Variants in PRPF39 observed in about 807,000 individuals in gnomAD.
PRPF39 encodes pre-mRNA processing factor 39.
Under a neutral mutation model 82.1 loss-of-function variants are expected in PRPF39, and 27 were observed. The observed-to-expected ratio is 0.33, with a 90% CI of 0.24 to 0.45. The LOEUF (loss-of-function observed/expected upper bound fraction) is 0.45, where lower values mean the gene tolerates loss of function less well. PRPF39 is among the 20% of genes least tolerant of loss of function. The pLI is 1.00. For missense variants in PRPF39, 581 were observed against 796.9 expected (o/e 0.73, Z 3.26); for synonymous variants, 261 against 256.4 (o/e 1.02, Z -0.17).
At chr14:45,096,029 C>A in intron 2 of PRPF39, 74 bp from the exon 3 acceptor site, 1 of 1,300,302 alleles carries the variant, frequency 7.7e-7, no homozygotes, top group South Asian at 1.5e-5. Context: ...TAGATAATAA[C>A]GTTTGAAAGG....
rs745589812 is a variant in PRPF39 at position 45,110,089 on chromosome 14, T to C, written c.1177-5T>C. On this transcript the variant is annotated splice_polypyrimidine_tract_variant and splice_region_variant and intron_variant, in intron 8 of 13. Transcript: ENST00000355765. The surrounding 1 kb of genome is among the most constrained non-coding windows in gnomAD (Gnocchi z 4.0). The stretch of plus-strand genomic sequence containing the variant: ...TATTCAGTATTTCCTCTTTTCTGTA[T>C]GTAGTATGCCAAGTACATGGAAAAC... The C allele has an allele frequency of 1.4e-5, 23 of 1,613,068 alleles. No individual in the cohort carries two copies. The highest frequency in any genetic ancestry group is 2.2e-5 in the East Asian group (1 of 44,864).
chr14:45,085,757 A>T (rs568294729), intron 1 of PRPF39, among the ~76,000 whole-genome samples: 1 of 152,202 alleles, frequency 6.6e-6, no homozygotes, highest in East Asian at 1.9e-4. Context: ...TTACATCCCA[A>T]ATCTCCAGAT....
At chr14:45,094,864 G>T (rs966553152) in intron 1 of PRPF39, among the ~76,000 whole-genome samples, 4 of 152,076 alleles carry the variant, frequency 2.6e-5, no homozygotes, top group Admixed American at 1.3e-4. Context: ...TGATAGCAAG[G>T]TAACATTCAG....
chr14:45,096,622 C>G (rs1254023625), intron 3 of PRPF39: 1 of 1,477,506 alleles, frequency 6.8e-7, no homozygotes, highest in Non-Finnish European at 9.0e-7. Context: ...TCTAATGGGT[C>G]TGTGCCCTAT....
At chr14:45,092,992 T>C (rs975085065) in intron 1 of PRPF39, among the ~76,000 whole-genome samples, 1 of 152,158 alleles carries the variant, frequency 6.6e-6, no homozygotes, top group Non-Finnish European at 1.5e-5. Flanking sequence ...AGTTAAGTAA[T>C]TGCAGATAGG....
At chr14:45,095,910 A>G (rs1263279974) in intron 2 of PRPF39, among the ~76,000 whole-genome samples, 193 bp from the exon 3 acceptor site, 1 of 117,326 alleles carries the variant, frequency 8.5e-6, no homozygotes, top group Non-Finnish European at 1.6e-5. Context: ...TTTTTTTTTT[A>G]AGTGAAAGCA....
At chr14:45,086,295 C>T (rs1883826607) in intron 1 of PRPF39, among the ~76,000 whole-genome samples, 1 of 152,078 alleles carries the variant, frequency 6.6e-6, no homozygotes, top group Non-Finnish European at 1.5e-5. Context: ...TCCAAAAGAC[C>T]TTTTAAATTT....
chr14:45,107,668 C>A (rs1884576886), intron 6 of PRPF39, 52 bp downstream of exon 6: 4 of 1,501,140 alleles, frequency 2.7e-6, no homozygotes, highest in South Asian at 1.2e-5. Flanking sequence ...GTGGCTTATG[C>A]CTGTAATCGC....
At position 45,106,148 on chromosome 14, in the gene PRPF39, G is replaced by A. The variant is rs575705191; in HGVS notation, c.738-1303G>A. Among the ~76,000 whole-genome samples the A allele has an allele frequency of 7.2e-5, 11 of 152,056 alleles. No individual in the cohort carries two copies. The South Asian group carries it at 1.7e-3, about 23-fold the overall frequency. The stretch of plus-strand genomic sequence containing the variant: ...GTGGATCACCTGAGGTCAGGAGTTC[G>A]AGACCAGGCTGCCAACAAGGTGAAA... On this transcript the variant is annotated intron_variant, in intron 5 of 13. Coordinates refer to ENST00000355765, the MANE Select transcript of PRPF39 (RefSeq NM_017922.4).
intron 4 of PRPF39, among the ~76,000 whole-genome samples, chr14:45,097,935 A>G (rs1005970698): frequency 5.3e-5 from 8 of 152,162 alleles, no homozygotes; most frequent in African/African-American, 1.7e-4. Context: ...ATTTTCCACC[A>G]TGTGTTTAAC....
Position 45,116,221 on chromosome 14 carries a change from C to T in PRPF39, c.*1308C>T. 6.2e-7 allele frequency: 1 copy of T among 1,613,138 alleles called. No individual in the cohort carries two copies. The highest frequency in any genetic ancestry group is 8.5e-7 in the Non-Finnish European group (1 of 1,179,222). ...TTTCAATCAATATCCACTAATTCCA[C>T]TTCAAAAGTGAGTTTTGCATTTGGT... On this transcript the variant is annotated 3_prime_UTR_variant, in exon 14 of 14. Transcript: ENST00000355765.
intron 1 of PRPF39, among the ~76,000 whole-genome samples, chr14:45,090,968 A>G (rs1022707768): frequency 2.0e-5 from 3 of 152,158 alleles, no homozygotes; most frequent in South Asian, 2.1e-4. Context: ...AATTCTTTCA[A>G]TGGCATTCAG....
intron 1 of PRPF39, among the ~76,000 whole-genome samples, 156 bp downstream of exon 1, chr14:45,084,405 C>G (rs2139027243): frequency 6.6e-6 from 1 of 152,358 alleles, no homozygotes; most frequent in African/African-American, 2.4e-5. Flanking sequence ...CTGTCCATTC[C>G]TTTCTCCTTC....
chr14:45,100,019 G>C (rs911360556), intron 4 of PRPF39, among the ~76,000 whole-genome samples: 7 of 152,160 alleles, frequency 4.6e-5, no homozygotes, highest in Non-Finnish European at 1.5e-5. Flanking sequence ...CTTGAGGTCA[G>C]GAGTTCGAGA....
At chr14:45,109,968 G>A (rs1184185026) in intron 8 of PRPF39, 126 bp from the exon 9 acceptor site, 2 of 1,555,748 alleles carry the variant, frequency 1.3e-6, no homozygotes. Flanking sequence ...CTTCCTTACA[G>A]AAACTAGTCT....
chr14:45,094,218 C>T (rs1430748514), intron 1 of PRPF39, among the ~76,000 whole-genome samples: 2 of 151,952 alleles, frequency 1.3e-5, no homozygotes, highest in Non-Finnish European at 2.9e-5. Context: ...AAAAATGAGA[C>T]ATGCCCTATA....
At chr14:45,087,568 T>G (rs551153121) in intron 1 of PRPF39, among the ~76,000 whole-genome samples, 23 of 149,838 alleles carry the variant, frequency 1.5e-4, no homozygotes, top group Non-Finnish European at 2.1e-4. Context: ...GACTGTTTTT[T>G]TTTTGTTTTG....
chr14:45,087,809 T>G (rs1277918496), intron 1 of PRPF39, among the ~76,000 whole-genome samples: 1 of 149,180 alleles, frequency 6.7e-6, no homozygotes. Flanking sequence ...GGATGGTCTC[T>G]ATCTCCTGAC....
At chr14:45,114,788 AATT>A (rs1884792319) in intron 13 of PRPF39, 66 bp from the exon 14 acceptor site, 15 of 1,434,312 alleles carry the variant, frequency 1.0e-5, no homozygotes, top group Middle Eastern at 1.8e-4. Flanking sequence ...TAGCTGCTTT[AATT>A]ATACTTTTAC....
Sources: allele counts gnomAD v4.1 joint callset (sites outside exome capture counted in the v4.1 genomes callset), GRCh38; gene constraint gnomAD v4.1.1; non-coding constraint Gnocchi (gnomAD v3.1); transcripts MANE v1.5; gene names NCBI Gene and HGNC (gene_info 2026-07-23, HGNC 2026-07-21).